Variants in ATL1 observed in about 807,000 individuals in gnomAD.
ATL1 encodes atlastin GTPase 1.
A neutral mutation model predicts 75.5 loss-of-function variants in ATL1; 31 were observed. That is an observed-to-expected ratio of 0.41 (90% confidence interval 0.31 to 0.55). The LOEUF (loss-of-function observed/expected upper bound fraction) is 0.55, where lower values mean the gene tolerates loss of function less well. ATL1 is among the 20% of genes least tolerant of loss of function. The probability of loss-of-function intolerance (pLI) is 0.27; values close to 1 mark genes in which losing one functional copy is unlikely to be tolerated. For synonymous variants in ATL1, 226 were observed against 233.3 expected (o/e 0.97, Z 0.28); for missense variants, 405 against 662.6 (o/e 0.61, Z 4.27).
intron 1 of ATL1, among the ~76,000 whole-genome samples, chr14:50,553,013 G>A (rs575555569): frequency 6.6e-6 from 1 of 152,054 alleles, no homozygotes; most frequent in Non-Finnish European, 1.5e-5. Flanking sequence ...AAATAAATGG[G>A]GCCAGGCATG....
intron 2 of ATL1, among the ~76,000 whole-genome samples, chr14:50,589,002 G>A (rs192576173): frequency 2.2e-3 from 342 of 152,144 alleles, no homozygotes; most frequent in Non-Finnish European, 3.2e-3. Flanking sequence ...ATTGTGCTAG[G>A]CACTATGGTG....
chr14:50,570,845 C>A (rs888074645), intron 1 of ATL1, among the ~76,000 whole-genome samples: 1 of 152,170 alleles, frequency 6.6e-6, no homozygotes, highest in Non-Finnish European at 1.5e-5. Context: ...GAATTTCTCT[C>A]TTTCCCACAG....
chr14:50,557,263 GA>G (rs1160979359), upstream of ATL1, among the ~76,000 whole-genome samples: 2 of 152,152 alleles, frequency 1.3e-5, no homozygotes, highest in Non-Finnish European at 2.9e-5. Flanking sequence ...TACACTTAGA[GA>G]AATATCAGTC....
intron 1 of ATL1, among the ~76,000 whole-genome samples, chr14:50,582,338 A>C (rs1200044314): frequency 6.6e-6 from 1 of 152,084 alleles, no homozygotes; most frequent in Non-Finnish European, 1.5e-5. Flanking sequence ...CCAGGTTCAC[A>C]AAGTTTTACA....
upstream of ATL1, chr14:50,559,582 C>T (rs2038808532): frequency 6.6e-6 from 1 of 152,132 alleles, no homozygotes; most frequent in African/African-American, 2.4e-5. Context: ...AAATTTTACC[C>T]AGTGGATATT....
upstream of ATL1, among the ~76,000 whole-genome samples, chr14:50,557,442 T>C (rs2038777968): frequency 6.6e-6 from 1 of 152,174 alleles, no homozygotes; most frequent in Non-Finnish European, 1.5e-5. Flanking sequence ...CCAGGAATGG[T>C]ATACTATTTT....
chr14:50,622,757 A>C (rs933509639), intron 10 of ATL1, among the ~76,000 whole-genome samples: 2 of 152,188 alleles, frequency 1.3e-5, no homozygotes, highest in South Asian at 2.1e-4. Flanking sequence ...GTAAGTTCTT[A>C]ATAGTTCCTT....
rs2038820616 is a variant in ATL1 at position 50,560,307 on chromosome 14, G to C, written c.34+8G>C. On this transcript the variant is annotated splice_region_variant and intron_variant, in intron 1 of 13. Transcript: ENST00000358385. ...GGGACAGAAACAGTTGGGGTGAGTA[G>C]CAAATGAGAACTTCTGCAGCCTGCA... The C allele has an allele frequency of 6.2e-7, 1 of 1,613,726 alleles. No individual in the cohort carries two copies. The highest frequency in any genetic ancestry group is 1.3e-5 in the African/African-American group (1 of 74,916).
upstream of ATL1, among the ~76,000 whole-genome samples, chr14:50,557,892 C>G (rs1196554750): frequency 6.6e-6 from 1 of 152,064 alleles, no homozygotes; most frequent in African/African-American, 2.4e-5. Context: ...TACAAAGGAA[C>G]CTGAAACATT....
chr14:50,544,490 G>T (rs1033752154), intron 1 of ATL1, among the ~76,000 whole-genome samples: 2 of 152,204 alleles, frequency 1.3e-5, no homozygotes, highest in African/African-American at 4.8e-5. Flanking sequence ...GGAAAAGTCT[G>T]CTGGAGTGCT....
intron 1 of ATL1, among the ~76,000 whole-genome samples, chr14:50,537,287 A>G (rs950429666): frequency 3.9e-5 from 6 of 152,174 alleles, no homozygotes; most frequent in African/African-American, 1.4e-4. Context: ...CTTCTAGTAC[A>G]CAGAAGTCAA....
At chr14:50,613,807 T>A (rs923194247) in intron 7 of ATL1, among the ~76,000 whole-genome samples, 1 of 152,198 alleles carries the variant, frequency 6.6e-6, no homozygotes, top group Non-Finnish European at 1.5e-5. Context: ...AAATGTTCCT[T>A]GAAAATTGGG....
At chr14:50,600,513 C>CA in intron 6 of ATL1, among the ~76,000 whole-genome samples, 1 of 151,946 alleles carries the variant, frequency 6.6e-6, no homozygotes, top group Non-Finnish European at 1.5e-5. Flanking sequence ...AAATCCAAAA[C>CA]AAAAAATACA....
At chr14:50,546,170 TC>T (rs1363262688) in intron 1 of ATL1, among the ~76,000 whole-genome samples, 1 of 152,186 alleles carries the variant, frequency 6.6e-6, no homozygotes. Context: ...TTTTAAAAAA[TC>T]AAACTGCTAT....
Position 50,539,673 on chromosome 14 carries a change from T to G in ATL1, c.-140+6306T>G, listed in dbSNP as rs533035489. ...TGAGTTAGAAGAAAGAGTTTCAGTA[T>G]AGCCCTAATGGGGAAGTACACAGAA... is the stretch of plus-strand genomic sequence containing the variant. On this transcript the variant is annotated intron_variant, in intron 1 of 13. Transcript: ENST00000441560. Among the ~76,000 whole-genome samples the G allele has an allele frequency of 2.0e-5, 3 of 152,210 alleles. No individual in the cohort carries two copies. In the South Asian group the frequency reaches 6.2e-4, roughly 32 times the overall value.
chr14:50,542,664 A>G (rs1396486909), intron 1 of ATL1: 1 of 151,996 alleles, frequency 6.6e-6, no homozygotes. Flanking sequence ...TTTTTTTTCA[A>G]CCCATTATCT....
intron 4 of ATL1, 85 bp from the exon 5 acceptor site, chr14:50,593,761 A>G (rs1595601978): frequency 4.5e-6 from 4 of 881,736 alleles, no homozygotes; most frequent in Non-Finnish European, 7.6e-6. Flanking sequence ...GTGGTAACTG[A>G]TATTTTTAAA....
At chr14:50,544,314 T>G (rs1037787305) in intron 1 of ATL1, among the ~76,000 whole-genome samples, 1 of 152,228 alleles carries the variant, frequency 6.6e-6, no homozygotes, top group Non-Finnish European at 1.5e-5. Context: ...TTCTCTGTCC[T>G]TACTATCAGA....
chr14:50,565,306 T>TA (rs1294046898), intron 1 of ATL1, among the ~76,000 whole-genome samples: 1 of 150,688 alleles, frequency 6.6e-6, no homozygotes, highest in East Asian at 1.9e-4. Flanking sequence ...AATAAATAAA[T>TA]AAAAAACAAA....
Sources: gnomAD v4.1 joint callset for allele counts (sites outside exome capture counted in the v4.1 genomes callset) on GRCh38, gnomAD v4.1.1 for gene constraint, MANE v1.5 for transcripts, NCBI Gene and HGNC (gene_info 2026-07-23, HGNC 2026-07-21) for gene names.